The following SNX29 variants were observed in gnomAD, a reference collection of about 807,000 sequenced individuals.
SNX29 encodes sorting nexin 29.
In SNX29, 78 loss-of-function variants were observed where a neutral mutation model predicts 102.1. The observed-to-expected ratio is 0.76, with a 90% CI of 0.64 to 0.92. SNX29 has a LOEUF of 0.92. Among genes scored for constraint, SNX29 ranks in the 40% least tolerant of loss-of-function variants. The pLI, the probability that SNX29 is intolerant of heterozygous loss-of-function variation, is 0.00. For missense variants in SNX29, 1,280 were observed against 1,061.7 expected (o/e 1.21, Z -2.86); for synonymous variants, 580 against 414.5 (o/e 1.40, Z -4.85).
intron 15 of SNX29, among the ~76,000 whole-genome samples, chr16:12,302,766 C>T (rs747374018): frequency 1.3e-5 from 2 of 152,172 alleles, no homozygotes; most frequent in East Asian, 1.9e-4. Flanking sequence ...TAGGTAATAC[C>T]TTTTATAAAA....
rs1028357769 is a variant in SNX29, at chr16:12,570,196, C to T, written c.*1567C>T. On this transcript the variant is annotated 3_prime_UTR_variant, in exon 21 of 21. Transcript: ENST00000566228. Reference sequence around the variant, plus strand: ...AGAGAAACCGAGTCAGCCTACATGACTTCCAAGGGGACCTGGGGCCAGATA... The same window carrying T: ...AGAGAAACCGAGTCAGCCTACATGATTTCCAAGGGGACCTGGGGCCAGATA... The T allele has an allele frequency of 1.7e-5, 18 of 1,065,334 alleles. No individual in the cohort carries two copies. Among genetic ancestry groups the T allele is most frequent in the Admixed American group, 1.6e-4 (3 of 18,748 alleles). The allele number at this position is 1,065,334 out of a possible 1,614,324, so 66.0% of individuals were successfully genotyped here. A position where few individuals can be genotyped will look rare whatever the true frequency, so the allele number is the denominator to read the frequency against.
In SNX29 at chr16:12,571,571, T is replaced by C. The variant is rs2079188532; in HGVS notation, c.*2942T>C. On this transcript the variant is annotated 3_prime_UTR_variant, in exon 21 of 21. Transcript: ENST00000566228. ...GAAGAATCCACACCGAATCCTTCTG[T>C]CTTCATGGCCTGCTGTGCTGAAACA... The C allele has an allele frequency of 1.9e-6, 2 of 1,033,176 alleles. No homozygotes were observed. The allele number at this position is 1,033,176 out of a possible 1,614,324, so 64.0% of individuals were successfully genotyped here.
chr16:12,544,518 G>T (rs2077496380), intron 20 of SNX29, among the ~76,000 whole-genome samples: 1 of 152,182 alleles, frequency 6.6e-6, no homozygotes, highest in African/African-American at 2.4e-5. Context: ...TTTTTCTGTG[G>T]GGAATTGTGT....
chr16:12,540,232 T>G (rs1275812500), intron 20 of SNX29, among the ~76,000 whole-genome samples: 1 of 152,162 alleles, frequency 6.6e-6, no homozygotes, highest in South Asian at 2.1e-4. Context: ...TTCCTGTGGC[T>G]GACCCGCTCC....
At chr16:12,017,000 A>G (rs961268334) in intron 3 of SNX29, among the ~76,000 whole-genome samples, 1 of 151,980 alleles carries the variant, frequency 6.6e-6, no homozygotes, top group South Asian at 2.1e-4. Context: ...TGACCGTGGT[A>G]GCGCCTGTGG....
chr16:12,072,102 A>G (rs1012632558), intron 10 of SNX29, among the ~76,000 whole-genome samples: 1 of 152,282 alleles, frequency 6.6e-6, no homozygotes, highest in South Asian at 2.1e-4. Flanking sequence ...ATACAGTCAC[A>G]TCGTCTGCAA....
intron 8 of SNX29, among the ~76,000 whole-genome samples, chr16:12,054,608 C>T (rs1405594115): frequency 2.0e-5 from 3 of 152,244 alleles, no homozygotes; most frequent in South Asian, 4.1e-4. Flanking sequence ...ACTATCTGCT[C>T]TCCTGGTTCT....
rs181137286 is a variant in SNX29 at position 12,042,902 on chromosome 16, G to A, written c.253G>A (p.Val85Met). 1.2e-4 allele frequency: 195 copies of A among 1,607,772 alleles called. No homozygotes were observed. The highest frequency in any genetic ancestry group is 6.7e-4 in the Middle Eastern group (4 of 5,994). The change falls in exon 5 of 21, where the codon GTG becomes ATG. Residue 85 changes from valine (V) to methionine (M), a missense_variant. Val to Met is a conservative substitution (Grantham distance 21). Transcript: ENST00000566228. Reference protein sequence around the residue: ...GFASKTETEPVFWYYVKEVLN... With the variant: ...GFASKTETEPMFWYYVKEVLN... ...CCTGTGCCCTCTCTCCGTAGAGCCC[G>A]TGTTCTGGTACTACGTGAAGGAGGT...
chr16:12,548,807 G>GT (rs968358226), intron 20 of SNX29, among the ~76,000 whole-genome samples: 8 of 152,178 alleles, frequency 5.3e-5, no homozygotes, highest in Admixed American at 4.6e-4. Flanking sequence ...CTGGGCTGTT[G>GT]TTTTCCTATG....
chr16:12,013,499 AAAT>A (rs1194658190), intron 3 of SNX29, among the ~76,000 whole-genome samples: 3 of 69,028 alleles, frequency 4.3e-5, no homozygotes, highest in East Asian at 7.1e-4. Context: ...AAAAAAAAAA[AAAT>A]ATATATATAT....
At chr16:12,536,098 C>T (rs1005576864) in intron 20 of SNX29, among the ~76,000 whole-genome samples, 4 of 152,120 alleles carry the variant, frequency 2.6e-5, no homozygotes, top group African/African-American at 7.2e-5. Context: ...TTTGCCTGGA[C>T]CAGAGAGAAG....
intron 18 of SNX29, among the ~76,000 whole-genome samples, chr16:12,413,816 A>G (rs2084507994): frequency 6.6e-6 from 1 of 152,170 alleles, no homozygotes; most frequent in Non-Finnish European, 1.5e-5. Context: ...TTACTCACTT[A>G]CCGCTCCTAA....
At position 12,524,802 on chromosome 16, in the gene SNX29, C is replaced by T. The variant is rs887429943; in HGVS notation, c.2279C>T (p.Pro760Leu). ...ATGGTCCCCGAGTTCGCTGCCAGCCCCAAGAAGGAGACCCTCATCCAGCTG... is the reference window on the plus strand; with the variant it reads ...ATGGTCCCCGAGTTCGCTGCCAGCCTCAAGAAGGAGACCCTCATCCAGCTG... Reference protein sequence around the residue: ...IQMVPEFAASPKKETLIQLMP... With the variant: ...IQMVPEFAASLKKETLIQLMP... Residue 760 changes from proline to leucine, a missense_variant, in exon 20 of 21, where the codon CCC becomes CTC. Coordinates refer to ENST00000566228, the MANE Select transcript of SNX29 (RefSeq NM_032167.5). 6.2e-7 allele frequency: 1 copy of T among 1,613,498 alleles called. No individual in the cohort carries two copies. Among genetic ancestry groups the T allele is most frequent in the Non-Finnish European group, 8.5e-7 (1 of 1,179,764 alleles).
intron 18 of SNX29, among the ~76,000 whole-genome samples, chr16:12,434,887 T>C (rs1203746380): frequency 1.3e-5 from 2 of 149,850 alleles, no homozygotes; most frequent in African/African-American, 2.5e-5. Flanking sequence ...CAGACGTCTG[T>C]TACAAAGTAT....
At chr16:12,441,709 A>C (rs919794160) in intron 18 of SNX29, among the ~76,000 whole-genome samples, 4 of 152,188 alleles carry the variant, frequency 2.6e-5, no homozygotes, top group South Asian at 2.1e-4. Context: ...ACTTGAGGAC[A>C]CACAGATTTA....
intron 16 of SNX29, among the ~76,000 whole-genome samples, chr16:12,391,849 A>G (rs970899807): frequency 6.6e-6 from 1 of 152,248 alleles, no homozygotes; most frequent in Middle Eastern, 3.4e-3. Flanking sequence ...CATAGACATG[A>G]TAGTTTCTTT....
At chr16:12,406,403 C>T (rs1294521940) in intron 18 of SNX29, among the ~76,000 whole-genome samples, 1 of 152,206 alleles carries the variant, frequency 6.6e-6, no homozygotes, top group Non-Finnish European at 1.5e-5. Flanking sequence ...AGTAGACAAT[C>T]CCCATCTACA....
At chr16:12,031,337 G>T (rs1284199949) in intron 4 of SNX29, among the ~76,000 whole-genome samples, 4 of 151,906 alleles carry the variant, frequency 2.6e-5, no homozygotes, top group Admixed American at 6.6e-5. Flanking sequence ...CTCCCAAAGT[G>T]CTGGGATTAC....
At chr16:12,027,228 T>C in intron 3 of SNX29, 92 bp from the exon 4 acceptor site, 1 of 1,532,762 alleles carries the variant, frequency 6.5e-7, no homozygotes, top group East Asian at 2.3e-5. Context: ...GGTTTACACC[T>C]GGCGGCTTAC....
Sources: allele counts gnomAD v4.1 joint callset (sites outside exome capture counted in the v4.1 genomes callset), GRCh38; gene constraint gnomAD v4.1.1; transcripts MANE v1.5; gene names NCBI Gene and HGNC (gene_info 2026-07-23, HGNC 2026-07-21).